TMEM174: variants seen among roughly 807,000 people sequenced by gnomAD.
The protein encoded by TMEM174 is transmembrane protein 174.
Under a neutral mutation model 15.1 loss-of-function variants are expected in TMEM174, and 11 were observed. That is an observed-to-expected ratio of 0.73 (90% confidence interval 0.46 to 1.20). TMEM174 has a LOEUF of 1.20. TMEM174 is among the 50% of genes most tolerant of loss of function. TMEM174 has a pLI of 0.00. For missense variants in TMEM174, 321 were observed against 303.6 expected, an observed-to-expected ratio of 1.06 and a Z score of -0.43; for synonymous variants, 130 against 121.3, an observed-to-expected ratio of 1.07 and a Z score of -0.47.
rs372421790 is a variant in TMEM174 at position 73,174,248 on chromosome 5, A to G, written c.*83A>G. The G allele has an allele frequency of 1.6e-4, 222 of 1,349,020 alleles. No individual in the cohort carries two copies. In the African/African-American group the frequency reaches 2.9e-3, roughly 17 times the overall value. The allele number at this position is 1,349,020 out of a possible 1,614,324, so 83.6% of individuals were successfully genotyped here. ...TGTTACCTGACAACCGTGGTGTTCT[A>G]TGTTGTAACCTTCAGAAGTTACAGC... is the stretch of plus-strand genomic sequence containing the variant. On this transcript the variant is annotated 3_prime_UTR_variant, in exon 2 of 2. Coordinates refer to ENST00000296776, the MANE Select transcript of TMEM174 (RefSeq NM_153217.3).
chr5:73,174,110 C>G lies in TMEM174; in HGVS notation c.677C>G (p.Ala226Gly), dbSNP rs927273085. Residue 226 changes from alanine (A) to glycine (G), a missense_variant, in exon 2 of 2, where the codon GCC becomes GGC. Ala to Gly is a moderately conservative substitution (Grantham distance 60). Transcript: ENST00000296776. The stretch of plus-strand genomic sequence containing the variant: ...GAAGAGACACAGCTGGAAGAGGAGG[C>G]CTGTGCCTGCTTCTCTCCTCCCCCT... ...QLEETQLEEE[A>G]CACFSPPPYE... 4.2e-5 allele frequency: 67 copies of G among 1,614,014 alleles called. No homozygotes were observed. The highest frequency in any genetic ancestry group is 5.4e-5 in the Non-Finnish European group (64 of 1,180,048).
rs779212422 is a variant in TMEM174 at position 73,174,161 on chromosome 5, G to A, written c.728G>A (p.Arg243His). The change falls in exon 2 of 2, where the codon CGC becomes CAC. Residue 243 changes from arginine (R) to histidine (H), a missense_variant. Transcript: ENST00000296776. ...TATGAAGAAATATACTCTCTCCCTCGCTAGAGGCTATTCTGATATAATAAC... is the reference window on the plus strand; with the variant it reads ...TATGAAGAAATATACTCTCTCCCTCACTAGAGGCTATTCTGATATAATAAC... Reference protein sequence around the residue: ...PPYEEIYSLPR With the variant: ...PPYEEIYSLPH The A allele has an allele frequency of 1.3e-5, 21 of 1,612,594 alleles. No homozygotes were observed. The highest frequency in any genetic ancestry group is 4.4e-5 in the South Asian group (4 of 91,046).
chr5:73,173,222 C>T lies in TMEM174; in HGVS notation c.-22C>T, dbSNP rs1745006537. On this transcript the variant is annotated 5_prime_UTR_variant, in exon 1 of 2. Transcript: ENST00000296776. ...TCACAATCCTCTCCACTCTAAGAAG[C>T]AGGGTGAGCCCACAAGGAGCAATGG... is the stretch of plus-strand genomic sequence containing the variant. 3 of 1,517,514 alleles carry T rather than the reference C, an allele frequency of 2.0e-6. No individual in the cohort carries two copies. The highest frequency in any genetic ancestry group is 2.6e-6 in the Non-Finnish European group (3 of 1,134,526). The allele number at this position is 1,517,514 out of a possible 1,614,324, so 94.0% of individuals were successfully genotyped here.
At position 73,174,986 on chromosome 5, in the gene TMEM174, G is replaced by A. The variant is rs528634056; in HGVS notation, c.*821G>A. On this transcript the variant is annotated 3_prime_UTR_variant, in exon 2 of 2. Transcript: ENST00000296776. Reference sequence around the variant, plus strand: ...CAAGCATGAACTAGCTGGGACCAGTGGCTGACAGAACACAGGACTTCCCTA... The same window carrying A: ...CAAGCATGAACTAGCTGGGACCAGTAGCTGACAGAACACAGGACTTCCCTA... 5 of 152,468 alleles carry A rather than the reference G, an allele frequency of 3.3e-5. No individual in the cohort carries two copies. The Middle Eastern group carries it at 0.01, about 311-fold the overall frequency. The allele number at this position is 152,468 out of a possible 1,614,324, so 9.4% of individuals were successfully genotyped here.
chr5:73,174,132 C>T lies in TMEM174; in HGVS notation c.699C>T (p.Pro233=), dbSNP rs575216027. 6 of 1,614,162 alleles carry T rather than the reference C, an allele frequency of 3.7e-6. No homozygotes were observed. In the East Asian group the frequency reaches 1.1e-4, roughly 30 times the overall value. Residue 233 remains proline (P), a synonymous_variant, in exon 2 of 2, where the codon CCC becomes CCT. Transcript: ENST00000296776. The part of the protein sequence containing the change: ...EEEACACFSP[P]PYEEIYSLPR ...AGGCCTGTGCCTGCTTCTCTCCTCC[C>T]CCTTATGAAGAAATATACTCTCTCC... is the stretch of plus-strand genomic sequence containing the variant.
rs1344265187 is a variant in TMEM174, at chr5:73,174,843, T to C, written c.*678T>C. On this transcript the variant is annotated 3_prime_UTR_variant, in exon 2 of 2. Transcript: ENST00000296776. ...ATAGGATAGCGCTGTGAATACATCCTTCCCGATCACTGAGTCACAGTGACC... is the reference window on the plus strand; with the variant it reads ...ATAGGATAGCGCTGTGAATACATCCCTCCCGATCACTGAGTCACAGTGACC... 1 of 152,392 alleles carries C rather than the reference T, an allele frequency of 6.6e-6. No homozygotes were observed. The highest frequency in any genetic ancestry group is 1.5e-5 in the Non-Finnish European group (1 of 68,058). 9.4% of individuals were successfully genotyped at this position (152,392 alleles called of 1,614,324 possible).
In TMEM174 at chr5:73,174,180, TA is replaced by T. The variant is rs1344434049; in HGVS notation, c.*17del. 1.2e-6 allele frequency: 2 copies of T among 1,606,734 alleles called. No individual in the cohort carries two copies. The highest frequency in any genetic ancestry group is 1.7e-6 in the Non-Finnish European group (2 of 1,173,356). ...TCCCTCGCTAGAGGCTATTCTGATA[TA>T]ATAACACAATGCTCAGCTCAGGGAG... is the stretch of plus-strand genomic sequence containing the variant. On this transcript the variant is annotated 3_prime_UTR_variant, in exon 2 of 2. Coordinates refer to ENST00000296776, the MANE Select transcript of TMEM174 (RefSeq NM_153217.3).
Position 73,173,489 on chromosome 5 carries a change from G to GCCCA in TMEM174, c.246_247insCCCA (p.Val83ProfsTer24), listed in dbSNP as rs757929911. On this transcript the variant is annotated frameshift_variant, in exon 1 of 2. Coordinates refer to ENST00000296776, the MANE Select transcript of TMEM174 (RefSeq NM_153217.3). LOFTEE classifies it high-confidence loss of function. ...TTGGGCCCGTCCTGCTGTCAGTTGG[G>GCCCA]GTGACATTCATCCTGATTGCTGTGT... 6.2e-7 allele frequency: 1 copy of GCCCA among 1,614,184 alleles called. No homozygotes were observed. Among genetic ancestry groups the GCCCA allele is most frequent in the South Asian group, 1.1e-5 (1 of 91,076 alleles).
rs534877435 is a variant in TMEM174 at position 73,174,004 on chromosome 5, T to C, written c.627-56T>C. ...CTGTTGCCCACGATGGCAGCCTTGG[T>C]TCTGTGAATGGTGCTTTGGACCATA... On this transcript the variant is annotated intron_variant, in intron 1 of 1. Coordinates refer to ENST00000296776, the MANE Select transcript of TMEM174 (RefSeq NM_153217.3). The C allele has an allele frequency of 4.2e-5, 67 of 1,610,040 alleles. No homozygotes were observed. The East Asian group carries it at 1.5e-3, about 36-fold the overall frequency.
Position 73,173,742 on chromosome 5 carries a change from A to T in TMEM174, c.499A>T (p.Ile167Leu), listed in dbSNP as rs369089894. The change falls in exon 1 of 2, where the codon ATA (isoleucine) becomes TTA (leucine). Residue 167 changes from isoleucine to leucine, a missense_variant. Transcript: ENST00000296776. ...LQSVVSPCGL[I>L]TSGGAAAAMS... is the part of the protein sequence containing the mutation. ...GTCTGTGGTGAGCCCCTGCGGCCTCATAACCTCTGGAGGGGCAGCAGCCGC... is the reference window on the plus strand; with the variant it reads ...GTCTGTGGTGAGCCCCTGCGGCCTCTTAACCTCTGGAGGGGCAGCAGCCGC... 6.2e-7 allele frequency: 1 copy of T among 1,614,200 alleles called. No individual in the cohort carries two copies. The highest frequency in any genetic ancestry group is 8.5e-7 in the Non-Finnish European group (1 of 1,180,038).
At position 73,174,945 on chromosome 5, in the gene TMEM174, A is replaced by T. The variant is rs1745044450; in HGVS notation, c.*780A>T. 2 of 152,398 alleles carry T rather than the reference A, an allele frequency of 1.3e-5. No homozygotes were observed. Among genetic ancestry groups the T allele is most frequent in the Non-Finnish European group, 1.5e-5 (1 of 68,066 alleles). 9.4% of individuals were successfully genotyped at this position (152,398 alleles called of 1,614,324 possible). A position where few individuals can be genotyped will look rare whatever the true frequency, so the allele number is the denominator to read the frequency against. ...CATGGGTGGGCTCTTGGTCCACCCC[A>T]GGCTGGGGCCTGCGCCAAGCATGAA... On this transcript the variant is annotated 3_prime_UTR_variant, in exon 2 of 2. Coordinates refer to ENST00000296776, the MANE Select transcript of TMEM174 (RefSeq NM_153217.3).
rs1745039801 is a variant in TMEM174 at position 73,174,762 on chromosome 5, T to C, written c.*597T>C. On this transcript the variant is annotated 3_prime_UTR_variant, in exon 2 of 2. Coordinates refer to ENST00000296776, the MANE Select transcript of TMEM174 (RefSeq NM_153217.3). The stretch of plus-strand genomic sequence containing the variant: ...CAAACCAATGAAATAAAATAAATCA[T>C]GTCTCCTGCTAGAATAGTATTGGAT... The C allele has an allele frequency of 6.5e-6, 1 of 152,774 alleles. No individual in the cohort carries two copies. Among genetic ancestry groups the C allele is most frequent in the Admixed American group, 6.5e-5 (1 of 15,294 alleles). 9.5% of individuals were successfully genotyped at this position (152,774 alleles called of 1,614,324 possible).
rs565099306 is a variant in TMEM174, at chr5:73,175,068, G to A, written c.*903G>A. The A allele has an allele frequency of 6.6e-6, 1 of 152,450 alleles. No individual in the cohort carries two copies. The highest frequency in any genetic ancestry group is 1.9e-4 in the East Asian group (1 of 5,316). The allele number at this position is 152,450 out of a possible 1,614,324, so 9.4% of individuals were successfully genotyped here. On this transcript the variant is annotated 3_prime_UTR_variant, in exon 2 of 2. Transcript: ENST00000296776. The stretch of plus-strand genomic sequence containing the variant: ...CAGAGTTGCCATGTCAACACATGGG[G>A]AATGATATGATAGAAACAATCTTTA...
rs1173584787 is a variant in TMEM174, at chr5:73,173,436, G to A, written c.193G>A (p.Val65Ile). 12 of 1,614,232 alleles carry A rather than the reference G, an allele frequency of 7.4e-6. No homozygotes were observed. The highest frequency in any genetic ancestry group is 1.0e-5 in the Non-Finnish European group (12 of 1,180,042). Residue 65 changes from valine to isoleucine, a missense_variant, in exon 1 of 2, where the codon GTC (valine) becomes ATC (isoleucine). By Grantham distance (29) the Val-to-Ile change is conservative. Transcript: ENST00000296776. ...TVMGWIKYQG[V>I]SHFEWTQLLG... ...CATGGGCTGGATCAAATACCAAGGT[G>A]TCTCCCACTTTGAATGGACCCAGCT... is the stretch of plus-strand genomic sequence containing the variant.
rs1745009799 is a variant in TMEM174, at chr5:73,173,375, C to A, written c.132C>A (p.Gly44=). ...CGGGGGCCACCTTGCTCTTCTCAGG[C>A]ATCTTTCTGGGACTGGTGGGGATCA... ...DKAGATLLFS[G]IFLGLVGITF... The change falls in exon 1 of 2, where the codon GGC becomes GGA. Residue 44 remains glycine (G), a synonymous_variant. Transcript: ENST00000296776. 6.2e-7 allele frequency: 1 copy of A among 1,610,710 alleles called. No individual in the cohort carries two copies. Among genetic ancestry groups the A allele is most frequent in the South Asian group, 1.1e-5 (1 of 90,926 alleles).
chr5:73,173,999 C>T, intron 1 of TMEM174, 61 bp from the exon 2 acceptor site: 1 of 1,609,428 alleles, frequency 6.2e-7, no homozygotes, highest in Non-Finnish European at 8.5e-7. Context: ...CGATGGCAGC[C>T]TTGGTTCTGT....
rs898966927 is a variant in TMEM174 at position 73,173,920 on chromosome 5, G to T, written c.626+51G>T. ...CACTCCTTCTAGCCATCTCCGTCATGATCTGTGGCTGTTTGGTCCATGAAT... is the reference window on the plus strand; with the variant it reads ...CACTCCTTCTAGCCATCTCCGTCATTATCTGTGGCTGTTTGGTCCATGAAT... On this transcript the variant is annotated intron_variant, in intron 1 of 1. Transcript: ENST00000296776. The T allele has an allele frequency of 5.6e-6, 9 of 1,594,152 alleles. No homozygotes were observed. In the African/African-American group the frequency reaches 8.0e-5, roughly 14 times the overall value.
Position 73,173,534 on chromosome 5 carries a change from C to T in TMEM174, c.291C>T (p.Ser97=), listed in dbSNP as rs1252155505. The part of the protein sequence containing the change: ...LIAVCKFKML[S]CQLCKESEER... ...CTGTGTGCAAGTTCAAAATGCTCTCCTGCCAGTTGTGCAAAGAAAGTGAGG... is the reference window on the plus strand; with the variant it reads ...CTGTGTGCAAGTTCAAAATGCTCTCTTGCCAGTTGTGCAAAGAAAGTGAGG... The change falls in exon 1 of 2, where the codon TCC becomes TCT. Residue 97 remains serine (S), a synonymous_variant. Transcript: ENST00000296776. The T allele has an allele frequency of 6.2e-7, 1 of 1,614,126 alleles. No homozygotes were observed. Among genetic ancestry groups the T allele is most frequent in the Non-Finnish European group, 8.5e-7 (1 of 1,180,058 alleles).
rs1194300653 is a variant in TMEM174, at chr5:73,173,731, C to T, written c.488C>T (p.Pro163Leu). The change falls in exon 1 of 2, where the codon CCC becomes CTC. Residue 163 changes from proline to leucine, a missense_variant. By Grantham distance (98) the Pro-to-Leu change is moderately conservative. Coordinates refer to ENST00000296776, the MANE Select transcript of TMEM174 (RefSeq NM_153217.3). ...NTSYLQSVVS[P>L]CGLITSGGAA... ...AGCTACCTGCAGTCTGTGGTGAGCC[C>T]CTGCGGCCTCATAACCTCTGGAGGG... The T allele has an allele frequency of 6.2e-7, 1 of 1,614,170 alleles. No homozygotes were observed. Among genetic ancestry groups the T allele is most frequent in the Non-Finnish European group, 8.5e-7 (1 of 1,180,030 alleles).
Sources: gnomAD v4.1 joint callset for allele counts on GRCh38, gnomAD v4.1.1 for gene constraint, MANE v1.5 for transcripts, NCBI Gene and HGNC (gene_info 2026-07-23, HGNC 2026-07-21) for gene names.